Variants in ZNF157 observed in about 807,000 individuals in gnomAD.
ZNF157 encodes the protein zinc finger protein 157, also known as zinc finger protein 22.
In ZNF157, 8 loss-of-function variants were observed where a neutral mutation model predicts 9.4. That is an observed-to-expected ratio of 0.85 (90% CI 0.50 to 1.53). ZNF157 has a LOEUF of 1.53. Among genes scored for constraint, ZNF157 ranks in the 40% most tolerant of loss-of-function variants. The probability of loss-of-function intolerance (pLI) is 0.00; values close to 1 mark genes in which losing one functional copy is unlikely to be tolerated. For missense variants in ZNF157, 316 were observed against 385.2 expected, an observed-to-expected ratio of 0.82 and a Z score of 1.50; for synonymous variants, 120 against 130.8, an observed-to-expected ratio of 0.92 and a Z score of 0.56.
chrX:47,400,200 T>C lies in ZNF157; in HGVS notation c.73-10076T>C, dbSNP rs1027596706. On this transcript the variant is annotated intron_variant, in intron 1 of 3. Transcript: ENST00000377073. ...TTAGTAGAGACGGTGTTTCATCATG[T>C]TGGTCAGGCTGGTCTTGAACTCCTG... Among the ~76,000 whole-genome samples the C allele has an allele frequency of 2.7e-5, 3 of 110,525 alleles. No homozygotes were observed. The Admixed American group carries it at 2.9e-4, about 11-fold the overall frequency.
intron 1 of ZNF157, 46 bp downstream of exon 1, chrX:47,370,786 T>A (rs774016892): frequency 1.2e-4 from 120 of 1,008,531 alleles, no homozygotes; most frequent in Non-Finnish European, 1.5e-4. Context: ...TTTATTTTTT[T>A]ATTTATTTTT....
chrX:47,372,626 C>T (rs1314013512), intron 1 of ZNF157, among the ~76,000 whole-genome samples: 1 of 108,248 alleles, frequency 9.2e-6, no homozygotes, highest in Non-Finnish European at 1.9e-5. Flanking sequence ...TCCCAAGTAG[C>T]TGGGATCACA....
intron 1 of ZNF157, among the ~76,000 whole-genome samples, chrX:47,378,478 C>A (rs2055851575): frequency 9.0e-6 from 1 of 111,632 alleles, no homozygotes; most frequent in South Asian, 3.7e-4. Flanking sequence ...CAGTCTAATC[C>A]CCAGGCAGGA....
At chrX:47,394,817 T>C (rs1348543819) in intron 1 of ZNF157, among the ~76,000 whole-genome samples, 1 of 111,189 alleles carries the variant, frequency 9.0e-6, no homozygotes, top group East Asian at 2.8e-4. Flanking sequence ...TTTTTTGTTT[T>C]GTTTTGTTCT....
chrX:47,410,824 GC>G, intron 3 of ZNF157, 49 bp downstream of exon 3: 1 of 1,033,674 alleles, frequency 9.7e-7, no homozygotes, highest in Non-Finnish European at 1.3e-6. Context: ...GGAAATAAGA[GC>G]CCAGGAATTC....
At chrX:47,380,225 A>G (rs982348784) in intron 1 of ZNF157, among the ~76,000 whole-genome samples, 1 of 110,842 alleles carries the variant, frequency 9.0e-6, no homozygotes, top group Non-Finnish European at 1.9e-5. Flanking sequence ...TTTGAGGGGC[A>G]TAAGACAGAG....
chrX:47,378,717 A>G (rs1448302426), intron 1 of ZNF157, among the ~76,000 whole-genome samples: 1 of 111,372 alleles, frequency 9.0e-6, no homozygotes, highest in Non-Finnish European at 1.9e-5. Context: ...CTGCACCTGT[A>G]ATCTCAGCTA....
intron 1 of ZNF157, among the ~76,000 whole-genome samples, chrX:47,381,319 G>A (rs1042779366): frequency 1.8e-5 from 2 of 110,721 alleles, no homozygotes; most frequent in Non-Finnish European, 3.8e-5. Context: ...GGGGTTTGAG[G>A]GGGGGTGCTC....
chrX:47,376,339 G>T (rs2055844854), intron 1 of ZNF157, among the ~76,000 whole-genome samples: 2 of 112,402 alleles, frequency 1.8e-5, no homozygotes, highest in Non-Finnish European at 3.8e-5. Flanking sequence ...CCCAGGCAGG[G>T]CGTAATGGCT....
intron 2 of ZNF157, 61 bp from the exon 3 acceptor site, chrX:47,410,619 C>T: frequency 1.9e-6 from 2 of 1,063,585 alleles, no homozygotes; most frequent in Non-Finnish European, 2.6e-6. Flanking sequence ...CTTCCTCCTC[C>T]ATCAGAGGCC....
At position 47,413,865 on chromosome X, in the gene ZNF157, G is replaced by T; in HGVS notation, c.*271G>T. ...ATGGGCTGTTCATCTCTTGCTTTTTGGTTTAAATGTTGTTTTTTAACATAT... is the reference window on the plus strand; with the variant it reads ...ATGGGCTGTTCATCTCTTGCTTTTTTGTTTAAATGTTGTTTTTTAACATAT... On this transcript the variant is annotated 3_prime_UTR_variant, in exon 4 of 4. Coordinates refer to ENST00000377073, the MANE Select transcript of ZNF157 (RefSeq NM_003446.4). 8.2e-6 allele frequency: 2 copies of T among 243,522 alleles called. No individual in the cohort carries two copies. Among genetic ancestry groups the T allele is most frequent in the Non-Finnish European group, 1.4e-5 (2 of 140,564 alleles). 20.1% of individuals were successfully genotyped at this position (243,522 alleles called of 1,213,427 possible).
intron 1 of ZNF157, among the ~76,000 whole-genome samples, chrX:47,391,586 T>C (rs892180659): frequency 8.0e-5 from 9 of 112,442 alleles, no homozygotes; most frequent in African/African-American, 2.9e-4. Context: ...TCTTGTTCTG[T>C]CTTGCCCAGG....
At chrX:47,372,818 C>T (rs1027053830) in intron 1 of ZNF157, among the ~76,000 whole-genome samples, 5 of 110,271 alleles carry the variant, frequency 4.5e-5, no homozygotes, top group African/African-American at 1.3e-4. Context: ...TTAAAATATC[C>T]TTTATTGGTG....
chrX:47,382,929 A>G (rs2055868167), intron 1 of ZNF157, among the ~76,000 whole-genome samples: 1 of 110,416 alleles, frequency 9.1e-6, no homozygotes, highest in Admixed American at 9.8e-5. Flanking sequence ...ACAGCAATAG[A>G]CCCAAAAGCC....
chrX:47,413,788 G>A lies in ZNF157; in HGVS notation c.*194G>A. The A allele has an allele frequency of 1.5e-6, 1 of 648,140 alleles. No individual in the cohort carries two copies. The highest frequency in any genetic ancestry group is 2.2e-5 in the African/African-American group (1 of 45,422). The allele number at this position is 648,140 out of a possible 1,213,427, so 53.4% of individuals were successfully genotyped here. A position where few individuals can be genotyped will look rare whatever the true frequency, so the allele number is the denominator to read the frequency against. ...ATCTTATCTGTTGATTGGCTATTTG[G>A]GTTTTTTCTTCTGTGCATTGACTGT... On this transcript the variant is annotated 3_prime_UTR_variant, in exon 4 of 4. Coordinates refer to ENST00000377073, the MANE Select transcript of ZNF157 (RefSeq NM_003446.4).
chrX:47,394,340 C>G (rs1487294331), intron 1 of ZNF157, among the ~76,000 whole-genome samples: 1 of 111,487 alleles, frequency 9.0e-6, no homozygotes, highest in East Asian at 2.8e-4. Flanking sequence ...GCCACTGCAC[C>G]TGGCCAACAG....
intron 1 of ZNF157, among the ~76,000 whole-genome samples, chrX:47,380,852 A>G (rs2055859544): frequency 9.4e-6 from 1 of 106,435 alleles, no homozygotes; most frequent in Non-Finnish European, 1.9e-5. Context: ...GAGGAGGAAG[A>G]GGAGCAGGAG....
chrX:47,392,508 C>T (rs2055900414), intron 1 of ZNF157, among the ~76,000 whole-genome samples: 2 of 111,816 alleles, frequency 1.8e-5, no homozygotes, highest in Non-Finnish European at 3.8e-5. Flanking sequence ...ACCCAGGTAA[C>T]ATTCACCGTG....
At chrX:47,398,187 TG>T (rs2147409815) in intron 1 of ZNF157, among the ~76,000 whole-genome samples, 1 of 110,817 alleles carries the variant, frequency 9.0e-6, no homozygotes, top group East Asian at 2.9e-4. Context: ...ATCCTGGCTA[TG>T]GGAGAAATCA....
Sources: allele counts gnomAD v4.1 joint callset (sites outside exome capture counted in the v4.1 genomes callset), GRCh38; gene constraint gnomAD v4.1.1; transcripts MANE v1.5; gene names NCBI Gene and HGNC (gene_info 2026-07-23, HGNC 2026-07-21).